The following RGL1 variants were observed in gnomAD, a reference collection of about 807,000 sequenced individuals.
The protein encoded by RGL1 is ral guanine nucleotide dissociation stimulator like 1, also known as ral guanine nucleotide dissociation stimulator-like 1.
Under a neutral mutation model 95.2 loss-of-function variants are expected in RGL1, and 24 were observed. That is an observed-to-expected ratio of 0.25 (90% confidence interval 0.18 to 0.35). RGL1 has a LOEUF of 0.35. RGL1 is among the 10% of genes least tolerant of loss of function. RGL1 has a pLI of 1.00. For synonymous variants in RGL1, 329 were observed against 344.9 expected (o/e 0.95, Z 0.51); for missense variants, 715 against 936.3 (o/e 0.76, Z 3.08).
At chr1:183,823,705 T>C (rs1662653878) in intron 2 of RGL1, among the ~76,000 whole-genome samples, 2 of 152,230 alleles carry the variant, frequency 1.3e-5, no homozygotes, top group Admixed American at 1.3e-4. Flanking sequence ...GGGATAGTTA[T>C]TTGAAGTCAA....
chr1:183,706,591 G>C (rs1199123558), intron 1 of RGL1, among the ~76,000 whole-genome samples: 1 of 152,172 alleles, frequency 6.6e-6, no homozygotes, highest in Non-Finnish European at 1.5e-5. Context: ...CACAGAGGGG[G>C]CACAGCCTGG....
chr1:183,839,262 G>C (rs887507750), intron 2 of RGL1, among the ~76,000 whole-genome samples: 3 of 152,030 alleles, frequency 2.0e-5, no homozygotes, highest in Non-Finnish European at 4.4e-5. Context: ...GATTCTAACT[G>C]CCTGTTGGAC....
chr1:183,692,950 A>T (rs912631098), intron 1 of RGL1, among the ~76,000 whole-genome samples: 1 of 149,078 alleles, frequency 6.7e-6, no homozygotes, highest in African/African-American at 2.6e-5. Flanking sequence ...GCAGGGAGAT[A>T]AAAAAAATTT....
chr1:183,756,909 G>A (rs952765996), intron 2 of RGL1, among the ~76,000 whole-genome samples: 9 of 151,870 alleles, frequency 5.9e-5, no homozygotes, highest in African/African-American at 1.9e-4. Flanking sequence ...TTATTTAATG[G>A]TAATACCCTG....
At chr1:183,803,820 C>G (rs894434149), upstream of RGL1, among the ~76,000 whole-genome samples, 2 of 152,180 alleles carry the variant, frequency 1.3e-5, no homozygotes. Context: ...GAGGTAGGGC[C>G]TTCACATGAT....
chr1:183,922,283 A>G lies in RGL1; in HGVS notation c.2066A>G (p.Asp689Gly). ...AGAGCCATGCTGAAGCACAATCTGGACTCAGACCCCGCCGAGGAGTACGAG... is the reference window on the plus strand; with the variant it reads ...AGAGCCATGCTGAAGCACAATCTGGGCTCAGACCCCGCCGAGGAGTACGAG... ...IQRAMLKHNL[D>G]SDPAEEYELV... Residue 689 changes from aspartate (D) to glycine (G), a missense_variant, in exon 17 of 18, where the codon GAC becomes GGC. Coordinates refer to ENST00000360851, the MANE Select transcript of RGL1 (RefSeq NM_001297671.3). The G allele has an allele frequency of 1.9e-6, 3 of 1,613,934 alleles. No individual in the cohort carries two copies. Among genetic ancestry groups the G allele is most frequent in the Non-Finnish European group, 2.5e-6 (3 of 1,179,970 alleles).
upstream of RGL1, among the ~76,000 whole-genome samples, chr1:183,803,852 A>G (rs1000695130): frequency 5.9e-5 from 9 of 152,200 alleles, no homozygotes; most frequent in Admixed American, 2.0e-4. Flanking sequence ...TCCCAGCAAC[A>G]TTCTGCCCTG....
chr1:183,912,025 A>G lies in RGL1; in HGVS notation c.1563-57A>G, dbSNP rs1035556365. On this transcript the variant is annotated intron_variant, in intron 14 of 17. Coordinates refer to ENST00000360851, the MANE Select transcript of RGL1 (RefSeq NM_001297671.3). Reference sequence around the variant, plus strand: ...CTTAATCAACACAAAATATTTGCCTAATCATGGATTCCAGATTTGTAACAG... The same window carrying G: ...CTTAATCAACACAAAATATTTGCCTGATCATGGATTCCAGATTTGTAACAG... 21 of 1,491,108 alleles carry G rather than the reference A, an allele frequency of 1.4e-5. 1 individual carries two copies. In the South Asian group the frequency reaches 2.5e-4, roughly 18 times the overall value. 92.4% of individuals were successfully genotyped at this position (1,491,108 alleles called of 1,614,324 possible).
intron 16 of RGL1, among the ~76,000 whole-genome samples, chr1:183,920,976 C>T (rs1420333202): frequency 2.0e-5 from 3 of 152,234 alleles, no homozygotes; most frequent in East Asian, 3.9e-4. Flanking sequence ...CGAGGGGGGT[C>T]GTGGGGGGCT....
intron 2 of RGL1, among the ~76,000 whole-genome samples, chr1:183,810,931 A>T (rs1161225831): frequency 6.6e-6 from 1 of 152,078 alleles, no homozygotes; most frequent in African/African-American, 2.4e-5. Context: ...CTTGTTTGTT[A>T]TCTTCCATTA....
At chr1:183,752,720 CTT>C in intron 2 of RGL1, among the ~76,000 whole-genome samples, 1 of 128,940 alleles carries the variant, frequency 7.8e-6, no homozygotes, top group Non-Finnish European at 1.6e-5. Context: ...CCTTTCCTCT[CTT>C]TGGCCTTAAG....
At chr1:183,657,503 A>T (rs1428624144) in intron 1 of RGL1, among the ~76,000 whole-genome samples, 1 of 149,588 alleles carries the variant, frequency 6.7e-6, no homozygotes, top group African/African-American at 2.5e-5. Context: ...ATGTGTTCTC[A>T]TTGTTCAATT....
chr1:183,898,392 G>A (rs985645175), intron 10 of RGL1, among the ~76,000 whole-genome samples: 2 of 152,122 alleles, frequency 1.3e-5, no homozygotes, highest in Non-Finnish European at 2.9e-5. Context: ...CTAATCCCAA[G>A]GCTAACCAAA....
At chr1:183,641,291 C>A (rs532110865) in intron 1 of RGL1, among the ~76,000 whole-genome samples, 25 of 152,196 alleles carry the variant, frequency 1.6e-4, no homozygotes, top group Non-Finnish European at 3.4e-4. Flanking sequence ...TACGCCACTA[C>A]CCCTAGCTAA....
At chr1:183,784,496 A>G (rs1253288191) in intron 2 of RGL1, among the ~76,000 whole-genome samples, 1 of 152,226 alleles carries the variant, frequency 6.6e-6, no homozygotes. Flanking sequence ...CCAAGCCAGG[A>G]GTCAGACCTG....
At chr1:183,850,061 G>GAT (rs1423464561) in intron 3 of RGL1, among the ~76,000 whole-genome samples, 1 of 152,156 alleles carries the variant, frequency 6.6e-6, no homozygotes, top group Non-Finnish European at 1.5e-5. Context: ...TCTTTGCCAT[G>GAT]ACCTGACCAC....
At chr1:183,895,587 AAG>A (rs1667646098) in intron 9 of RGL1, among the ~76,000 whole-genome samples, 1 of 152,212 alleles carries the variant, frequency 6.6e-6, no homozygotes, top group African/African-American at 2.4e-5. Flanking sequence ...AAGAATCACT[AAG>A]AGAATATGAG....
chr1:183,822,895 C>T (rs576878628), intron 2 of RGL1, among the ~76,000 whole-genome samples: 3 of 152,220 alleles, frequency 2.0e-5, no homozygotes, highest in East Asian at 1.9e-4. Flanking sequence ...GGCTATTTTC[C>T]TGTTTTAGGG....
At chr1:183,826,811 A>C (rs1268511153) in intron 2 of RGL1, among the ~76,000 whole-genome samples, 1 of 152,210 alleles carries the variant, frequency 6.6e-6, no homozygotes. Context: ...AAACTTTTAG[A>C]ATGTTGATGT....
Sources: allele counts gnomAD v4.1 joint callset (sites outside exome capture counted in the v4.1 genomes callset), GRCh38; gene constraint gnomAD v4.1.1; transcripts MANE v1.5; gene names NCBI Gene and HGNC (gene_info 2026-07-23, HGNC 2026-07-21).